MIER1: variants seen among roughly 807,000 people sequenced by gnomAD.
The protein encoded by MIER1 is MIER1 transcriptional regulator.
Under a neutral mutation model 75.7 loss-of-function variants are expected in MIER1, and 40 were observed. The ratio of observed to expected loss-of-function variants is 0.53; its 90% CI spans 0.41 to 0.69. The LOEUF is 0.69. Among genes scored for constraint, MIER1 ranks in the 30% least tolerant of loss-of-function variants. The pLI, the probability that MIER1 is intolerant of heterozygous loss-of-function variation, is 0.00. For missense variants in MIER1, 574 were observed against 680.2 expected (o/e 0.84, Z 1.74); for synonymous variants, 213 against 223.4 (o/e 0.95, Z 0.42).
chr1:66,946,604 TG>T, intron 4 of MIER1: 2 of 1,025,428 alleles, frequency 2.0e-6, no homozygotes, highest in South Asian at 8.8e-5. Context: ...ATATATCCTT[TG>T]TCCTTCCCCA....
intron 3 of MIER1, among the ~76,000 whole-genome samples, chr1:66,944,915 G>A (rs1427807491): frequency 6.6e-6 from 1 of 151,636 alleles, no homozygotes; most frequent in East Asian, 1.9e-4. Context: ...TTGTAGAGAC[G>A]GTGTCTCATT....
chr1:66,961,090 A>G (rs563847482), intron 7 of MIER1, among the ~76,000 whole-genome samples: 1 of 152,284 alleles, frequency 6.6e-6, no homozygotes, highest in Non-Finnish European at 1.5e-5. Flanking sequence ...CAGAAAGGGT[A>G]TTAATTAACC....
Position 66,926,243 on chromosome 1 carries a change from G to A in MIER1, c.168+1G>A. ...TGCAGACAAGACGGATGTGATGCTGGTAGGCAGGGGTACACTTGGAGATTA... is the reference window on the plus strand; with the variant it reads ...TGCAGACAAGACGGATGTGATGCTGATAGGCAGGGGTACACTTGGAGATTA... On this transcript the variant is annotated splice_donor_variant, in intron 2 of 13. Transcript: ENST00000401041. LOFTEE classifies it high-confidence loss of function. 2 of 1,605,896 alleles carry A rather than the reference G, an allele frequency of 1.2e-6. No individual in the cohort carries two copies. The highest frequency in any genetic ancestry group is 1.7e-6 in the Non-Finnish European group (2 of 1,172,650).
chr1:66,960,546 G>A (rs1196240046), intron 7 of MIER1, among the ~76,000 whole-genome samples: 2 of 152,100 alleles, frequency 1.3e-5, no homozygotes, highest in East Asian at 3.9e-4. Context: ...TTGCAGTGAT[G>A]TTTCCCCTGT....
intron 8 of MIER1, among the ~76,000 whole-genome samples, chr1:66,966,629 T>G (rs1015270566): frequency 1.3e-5 from 2 of 152,226 alleles, no homozygotes; most frequent in Admixed American, 1.3e-4. Context: ...CCACAATGGT[T>G]GAACTAGTTC....
At chr1:66,971,068 G>T in intron 9 of MIER1, 109 bp downstream of exon 9, 2 of 987,688 alleles carry the variant, frequency 2.0e-6, no homozygotes, top group Non-Finnish European at 2.9e-6. Context: ...TAACATTATT[G>T]ACAGGGAATC....
At chr1:66,925,379 G>T in intron 1 of MIER1, 1 of 985,448 alleles carries the variant, frequency 1.0e-6, no homozygotes, top group Non-Finnish European at 1.2e-6. Context: ...AATCCGCTGC[G>T]GAGTGAGTTC....
intron 2 of MIER1, among the ~76,000 whole-genome samples, chr1:66,927,482 T>C (rs1403730438): frequency 2.0e-5 from 3 of 152,168 alleles, no homozygotes; most frequent in African/African-American, 7.2e-5. Flanking sequence ...TGGTGCATTT[T>C]CTTATGCCTT....
intron 8 of MIER1, among the ~76,000 whole-genome samples, chr1:66,968,793 A>G (rs1444287583): frequency 6.6e-6 from 1 of 152,194 alleles, no homozygotes; most frequent in African/African-American, 2.4e-5. Flanking sequence ...ATTTATACTA[A>G]CCACAGTGTA....
chr1:66,938,228 G>A (rs1655374723), intron 2 of MIER1, among the ~76,000 whole-genome samples: 2 of 152,158 alleles, frequency 1.3e-5, no homozygotes, highest in African/African-American at 4.8e-5. Flanking sequence ...TTTACAAACT[G>A]AAATATATGG....
intron 8 of MIER1, among the ~76,000 whole-genome samples, chr1:66,963,674 C>T (rs969885803): frequency 6.6e-6 from 1 of 152,138 alleles, no homozygotes; most frequent in Non-Finnish European, 1.5e-5. Context: ...CTTTGGGAGG[C>T]TGAGGCAGGC....
chr1:66,986,443 C>A lies in MIER1; in HGVS notation c.*1543C>A. 1 of 1,612,374 alleles carries A rather than the reference C, an allele frequency of 6.2e-7. No individual in the cohort carries two copies. The highest frequency in any genetic ancestry group is 8.5e-7 in the Non-Finnish European group (1 of 1,179,236). ...TTCTTCCAGTTCATTTTTCAGCCAT[C>A]AGTTCAAGAGCCAATGCCTTTTTAA... On this transcript the variant is annotated 3_prime_UTR_variant, in exon 14 of 14. Coordinates refer to ENST00000401041, the MANE Select transcript of MIER1 (RefSeq NM_001077700.3).
At chr1:66,978,543 CATA>C (rs1164575076) in intron 12 of MIER1, among the ~76,000 whole-genome samples, 2 of 151,794 alleles carry the variant, frequency 1.3e-5, no homozygotes, top group East Asian at 3.8e-4. Context: ...AGTATTCAAG[CATA>C]ATAATATAGA....
intron 8 of MIER1, among the ~76,000 whole-genome samples, chr1:66,963,639 G>A (rs1191981413): frequency 2.0e-5 from 3 of 152,150 alleles, no homozygotes; most frequent in Non-Finnish European, 2.9e-5. Flanking sequence ...ACCAGGTGCC[G>A]TGGCTCACGC....
At chr1:66,964,441 A>G (rs1388156563) in intron 8 of MIER1, among the ~76,000 whole-genome samples, 1 of 108,730 alleles carries the variant, frequency 9.2e-6, no homozygotes, top group Non-Finnish European at 1.8e-5. Context: ...AATGCTGTGT[A>G]TGTTTCCTTT....
At chr1:66,940,653 G>C (rs1311023412) in intron 3 of MIER1, among the ~76,000 whole-genome samples, 3 of 152,142 alleles carry the variant, frequency 2.0e-5, no homozygotes, top group African/African-American at 7.2e-5. Context: ...TTGCAAACCT[G>C]TGATCTTTGA....
At position 66,986,941 on chromosome 1, in the gene MIER1, C is replaced by G. The variant is rs143134774; in HGVS notation, c.*2041C>G. The G allele has an allele frequency of 5.6e-4, 74 of 133,028 alleles. No individual in the cohort carries two copies. Among genetic ancestry groups the G allele is most frequent in the African/African-American group, 2.2e-3 (68 of 30,334 alleles). The allele number at this position is 133,028 out of a possible 1,614,324, so 8.2% of individuals were successfully genotyped here. A position where few individuals can be genotyped will look rare whatever the true frequency, so the allele number is the denominator to read the frequency against. On this transcript the variant is annotated 3_prime_UTR_variant, in exon 14 of 14. Coordinates refer to ENST00000401041, the MANE Select transcript of MIER1 (RefSeq NM_001077700.3). Reference sequence around the variant, plus strand: ...GGATGCTGTACTTTTTGAATTGTTGCAGTGTTGGAGATGCCATTTTCACCT... The same window carrying G: ...GGATGCTGTACTTTTTGAATTGTTGGAGTGTTGGAGATGCCATTTTCACCT...
Position 66,986,710 on chromosome 1 carries a change from A to C in MIER1, c.*1810A>C, listed in dbSNP as rs1349494272. ...ACTGTTGTTACATACATATCTAAGTAAATCAAAGTTTTGGGTGGAAGTGTT... is the reference window on the plus strand; with the variant it reads ...ACTGTTGTTACATACATATCTAAGTCAATCAAAGTTTTGGGTGGAAGTGTT... On this transcript the variant is annotated 3_prime_UTR_variant, in exon 14 of 14. Transcript: ENST00000401041. 2 of 377,308 alleles carry C rather than the reference A, an allele frequency of 5.3e-6. No individual in the cohort carries two copies. Among genetic ancestry groups the C allele is most frequent in the Non-Finnish European group, 9.5e-6 (2 of 211,590 alleles). The allele number at this position is 377,308 out of a possible 1,614,324, so 23.4% of individuals were successfully genotyped here.
intron 4 of MIER1, among the ~76,000 whole-genome samples, chr1:66,956,439 A>G (rs1038957075): frequency 1.3e-5 from 2 of 152,166 alleles, no homozygotes; most frequent in African/African-American, 4.8e-5. Context: ...CCTTTTCATT[A>G]TATTTCTCTT....
Sources: allele counts gnomAD v4.1 joint callset (sites outside exome capture counted in the v4.1 genomes callset), GRCh38; gene constraint gnomAD v4.1.1; transcripts MANE v1.5; gene names NCBI Gene and HGNC (gene_info 2026-07-23, HGNC 2026-07-21).